ME3: variants seen among roughly 807,000 people sequenced by gnomAD.
The protein encoded by ME3 is malic enzyme 3.
A neutral mutation model predicts 68.9 loss-of-function variants in ME3; 48 were observed. That is an observed-to-expected ratio of 0.70 (90% CI 0.55 to 0.89). ME3 has a LOEUF of 0.89. Ranked by LOEUF, ME3 falls within the 40% of genes least tolerant of loss-of-function variation. The pLI is 0.00. For missense variants in ME3, 675 were observed against 797.4 expected (o/e 0.85, Z 1.85); for synonymous variants, 320 against 318.8 (o/e 1.00, Z -0.04).
chr11:86,459,947 G>T (rs190932807), intron 8 of ME3, among the ~76,000 whole-genome samples: 62 of 152,364 alleles, frequency 4.1e-4, no homozygotes, highest in Non-Finnish European at 8.4e-4. Flanking sequence ...GCCATGCTGT[G>T]TGGTCAGCTT....
intron 4 of ME3, among the ~76,000 whole-genome samples, chr11:86,555,186 C>T (rs186808087): frequency 6.6e-6 from 1 of 152,270 alleles, no homozygotes; most frequent in Non-Finnish European, 1.5e-5. Flanking sequence ...AGTTAGAACA[C>T]TGAATTTTGG....
chr11:86,487,161 G>A (rs1951742109), intron 7 of ME3, among the ~76,000 whole-genome samples, 176 bp downstream of exon 7: 1 of 152,104 alleles, frequency 6.6e-6, no homozygotes, highest in Non-Finnish European at 1.5e-5. Flanking sequence ...CTCAGAGAAT[G>A]AGCCCATTTG....
intron 4 of ME3, among the ~76,000 whole-genome samples, chr11:86,523,802 GA>G (rs931273006): frequency 2.0e-5 from 3 of 151,976 alleles, no homozygotes; most frequent in African/African-American, 4.8e-5. Context: ...TCAGGAGGGG[GA>G]AAAAAGGCGG....
chr11:86,472,466 TGG>T (rs1950838070), intron 7 of ME3, among the ~76,000 whole-genome samples: 1 of 152,168 alleles, frequency 6.6e-6, no homozygotes, highest in African/African-American at 2.4e-5. Context: ...TGTGAAGTCC[TGG>T]TATTAATATA....
At chr11:86,444,101 G>A (rs1360440058) in intron 13 of ME3, among the ~76,000 whole-genome samples, 1 of 152,180 alleles carries the variant, frequency 6.6e-6, no homozygotes, top group East Asian at 1.9e-4. Flanking sequence ...GTGGGTGAGT[G>A]CAATGAGAGG....
intron 4 of ME3, among the ~76,000 whole-genome samples, chr11:86,513,405 C>A (rs1953676526): frequency 6.6e-6 from 1 of 152,154 alleles, no homozygotes; most frequent in African/African-American, 2.4e-5. Flanking sequence ...ATTGCCCTGG[C>A]TGGGGATTTT....
intron 2 of ME3, among the ~76,000 whole-genome samples, chr11:86,637,349 C>CAAAAAAAAA (rs11402713): frequency 2.5e-5 from 3 of 122,056 alleles, no homozygotes; most frequent in Non-Finnish European, 1.7e-5. Context: ...ACAAGAAGCA[C>CAAAAAAAAA]AAAAAAAAAA....
At chr11:86,586,547 G>A (rs1594555069) in intron 2 of ME3, among the ~76,000 whole-genome samples, 2 of 152,158 alleles carry the variant, frequency 1.3e-5, no homozygotes, top group Non-Finnish European at 2.9e-5. Flanking sequence ...AAGTCACCCA[G>A]GGTTATGGCA....
intron 4 of ME3, among the ~76,000 whole-genome samples, chr11:86,555,999 G>C (rs1481201246): frequency 1.1e-4 from 16 of 151,484 alleles, no homozygotes; most frequent in Non-Finnish European, 2.9e-5. Flanking sequence ...AAGTCATTTT[G>C]AAAAAAAACC....
rs1281258518 is a variant in ME3, at chr11:86,603,866, G to C, written c.184-44043C>G. On this transcript the variant is annotated intron_variant, in intron 2 of 14. Transcript: ENST00000543262. ...AAGGACAAAAAACCAAGCACCGCAT[G>C]TTCTCACTCATAGATGGGAATTGAA... is the stretch of plus-strand genomic sequence containing the variant. Among the ~76,000 whole-genome samples the C allele has an allele frequency of 2.1e-5, 3 of 145,612 alleles. No individual in the cohort carries two copies. In the Admixed American group the frequency reaches 2.2e-4, roughly 10 times the overall value.
At chr11:86,582,392 C>A (rs1436077044) in intron 2 of ME3, among the ~76,000 whole-genome samples, 1 of 152,174 alleles carries the variant, frequency 6.6e-6, no homozygotes, top group Non-Finnish European at 1.5e-5. Flanking sequence ...TTGGCCCCTA[C>A]CTGTAAATGT....
At chr11:86,666,736 A>G (rs1946610178) in intron 2 of ME3, among the ~76,000 whole-genome samples, 1 of 152,224 alleles carries the variant, frequency 6.6e-6, no homozygotes, top group South Asian at 2.1e-4. Flanking sequence ...TGTTTCTCTC[A>G]ACTAGGAGGC....
In ME3 at chr11:86,557,425, A is replaced by C. The variant is rs1956988557; in HGVS notation, c.318-723T>G. ...TAATATCACAACCTTTCTGGATAAT[A>C]ATCTTGGGGAGAATACCAAGGTACT... is the stretch of plus-strand genomic sequence containing the variant. On this transcript the variant is annotated intron_variant, in intron 3 of 14. Coordinates refer to ENST00000543262, the Ensembl canonical transcript of ME3. 2.6e-5 allele frequency among the ~76,000 whole-genome samples: 4 copies of C among 152,200 alleles called. No homozygotes were observed. The South Asian group carries it at 8.3e-4, about 32-fold the overall frequency.
chr11:86,527,923 G>A (rs1048341114), intron 4 of ME3, among the ~76,000 whole-genome samples: 11 of 152,128 alleles, frequency 7.2e-5, no homozygotes, highest in African/African-American at 2.7e-4. Context: ...AGAGACCATC[G>A]AGGCTAGGAA....
chr11:86,505,255 G>C (rs549401004), intron 5 of ME3, among the ~76,000 whole-genome samples: 1 of 151,992 alleles, frequency 6.6e-6, no homozygotes, highest in Non-Finnish European at 1.5e-5. Flanking sequence ...AGGGCACCTA[G>C]GGGTGGGGGG....
exon 12 of ME3, chr11:86,447,080 G>A: frequency 6.2e-7 from 1 of 1,614,118 alleles, no homozygotes; most frequent in South Asian, 1.1e-5. Flanking sequence ...TGACCCGGTA[G>A]CACTTCTCAG....
intron 4 of ME3, among the ~76,000 whole-genome samples, chr11:86,553,615 G>A (rs368126567): frequency 6.6e-6 from 1 of 152,222 alleles, no homozygotes; most frequent in African/African-American, 2.4e-5. Context: ...GTAATCATCT[G>A]AAGAAGGGTT....
rs150079129 is a variant in ME3, at chr11:86,614,374, C to T, written c.184-54551G>A. On this transcript the variant is annotated intron_variant, in intron 2 of 14. Transcript: ENST00000543262. Reference sequence around the variant, plus strand: ...ATAAACTCATTTCAGCCAGTTAAAACGTCCACTCTTGAATTGATCTGATTT... The same window carrying T: ...ATAAACTCATTTCAGCCAGTTAAAATGTCCACTCTTGAATTGATCTGATTT... 2.2e-3 allele frequency among the ~76,000 whole-genome samples: 328 copies of T among 152,292 alleles called. 3 individuals are homozygous for T. The highest frequency in any genetic ancestry group is 7.6e-3 in the African/African-American group (316 of 41,556).
chr11:86,468,342 C>T (rs1950597217), intron 7 of ME3, among the ~76,000 whole-genome samples: 1 of 152,090 alleles, frequency 6.6e-6, no homozygotes, highest in Admixed American at 6.5e-5. Context: ...CATCCATCAT[C>T]CATCCATCCA....
Sources: gnomAD v4.1 joint callset for allele counts (sites outside exome capture counted in the v4.1 genomes callset) on GRCh38, gnomAD v4.1.1 for gene constraint, MANE v1.5 for transcripts, NCBI Gene and HGNC (gene_info 2026-07-23, HGNC 2026-07-21) for gene names.